The following MARCHF2 variants were observed in gnomAD, a reference collection of about 807,000 sequenced individuals.
MARCHF2 encodes membrane associated ring-CH-type finger 2, also known as E3 ubiquitin-protein ligase MARCHF2.
MARCHF2 carries 22 observed loss-of-function variants against 24.0 expected under a neutral mutation model. That is an observed-to-expected ratio of 0.92 (90% CI 0.66 to 1.31). The LOEUF is 1.31. Ranked by LOEUF, MARCHF2 falls within the 50% of genes most tolerant of loss-of-function variation. The pLI, the probability that MARCHF2 is intolerant of heterozygous loss-of-function variation, is 0.00. For missense variants in MARCHF2, 301 were observed against 335.3 expected, an observed-to-expected ratio of 0.90 and a Z score of 0.80; for synonymous variants, 154 against 153.0, an observed-to-expected ratio of 1.01 and a Z score of -0.05.
At chr19:8,424,295 C>G (rs1370243403) in intron 2 of MARCHF2, among the ~76,000 whole-genome samples, 1 of 152,114 alleles carries the variant, frequency 6.6e-6, no homozygotes, top group Non-Finnish European at 1.5e-5. Flanking sequence ...GCACTTCTCT[C>G]TGGATGCACA....
At chr19:8,420,160 A>AAAATAAATAAATAAAT (rs74176647) in intron 1 of MARCHF2, among the ~76,000 whole-genome samples, 1 of 130,516 alleles carries the variant, frequency 7.7e-6, no homozygotes. Flanking sequence ...TCCGTCTCAA[A>AAAATAAATAAATAAAT]AAATAAATAA....
intron 2 of MARCHF2, among the ~76,000 whole-genome samples, chr19:8,422,587 T>G (rs1967278237): frequency 6.6e-6 from 1 of 152,002 alleles, no homozygotes; most frequent in African/African-American, 2.4e-5. Context: ...GAGACGGGGT[T>G]TCGCCATGTT....
intron 1 of MARCHF2, among the ~76,000 whole-genome samples, chr19:8,421,382 CTTTTTTT>C (rs1254772289): frequency 9.0e-6 from 1 of 111,622 alleles, no homozygotes; most frequent in Non-Finnish European, 1.8e-5. Flanking sequence ...TCTTTCTTTT[CTTTTTTT>C]TTTTTTTTTT....
intron 3 of MARCHF2, among the ~76,000 whole-genome samples, chr19:8,429,384 A>G (rs1355514539): frequency 6.6e-6 from 1 of 151,470 alleles, no homozygotes; most frequent in Non-Finnish European, 1.5e-5. Context: ...TTGGGAAGCC[A>G]AGGTGGGAAG....
At chr19:8,429,479 CTTATTATTATTATTA>C (rs144546795) in intron 3 of MARCHF2, among the ~76,000 whole-genome samples, 124 of 142,318 alleles carry the variant, frequency 8.7e-4, no homozygotes, top group African/African-American at 1.7e-3. Flanking sequence ...AATGAAAGAA[CTTATTATTATTATTA>C]TTATTATTAT....
Position 8,430,837 on chromosome 19 carries a change from C to T in MARCHF2, c.552C>T (p.Ala184=). The part of the protein sequence containing the change: ...EAVGLIALTI[A]LFTIYVLWTL... Reference sequence around the variant, plus strand: ...TGGGTCTCATTGCCCTCACCATCGCCCTCTTCACCATCTATGTCCTCTGGA... The same window carrying T: ...TGGGTCTCATTGCCCTCACCATCGCTCTCTTCACCATCTATGTCCTCTGGA... Residue 184 remains alanine, a synonymous_variant, in exon 4 of 5, where the codon GCC becomes GCT. Coordinates refer to ENST00000215555, the MANE Select transcript of MARCHF2 (RefSeq NM_001005415.2). The surrounding 1 kb of genome is among the most constrained non-coding windows in gnomAD (Gnocchi z 4.4). 6.2e-7 allele frequency: 1 copy of T among 1,609,866 alleles called. No individual in the cohort carries two copies.
intron 4 of MARCHF2, among the ~76,000 whole-genome samples, chr19:8,432,354 C>G (rs1288253243): frequency 6.6e-6 from 1 of 151,762 alleles, no homozygotes; most frequent in Admixed American, 6.6e-5. Flanking sequence ...AAGCCAGATG[C>G]CCATCTCTAT....
At chr19:8,426,123 C>T (rs1382045636) in intron 2 of MARCHF2, among the ~76,000 whole-genome samples, 6 of 146,462 alleles carry the variant, frequency 4.1e-5, no homozygotes, top group Non-Finnish European at 7.4e-5. Flanking sequence ...TCCAGCTACT[C>T]GGGAGGCTGA....
intron 1 of MARCHF2, among the ~76,000 whole-genome samples, chr19:8,414,822 C>G (rs1967035807): frequency 6.6e-6 from 1 of 152,150 alleles, no homozygotes; most frequent in African/African-American, 2.4e-5. Flanking sequence ...GGAGACCCCT[C>G]CACGGACAGA....
At chr19:8,423,285 C>G (rs546121190) in intron 2 of MARCHF2, 1 of 151,524 alleles carries the variant, frequency 6.6e-6, no homozygotes, top group South Asian at 2.1e-4. Flanking sequence ...AGGCTGGTCT[C>G]CTGACCTCAG....
chr19:8,422,135 A>G (rs1967264944), intron 2 of MARCHF2, 119 bp downstream of exon 2: 1 of 1,052,258 alleles, frequency 9.5e-7, no homozygotes, highest in Non-Finnish European at 1.3e-6. Flanking sequence ...GTGGGTAAAT[A>G]GAGAAAGAGA....
intron 4 of MARCHF2, among the ~76,000 whole-genome samples, chr19:8,436,981 C>T (rs910925795): frequency 2.7e-5 from 4 of 147,596 alleles, no homozygotes; most frequent in Non-Finnish European, 6.0e-5. Flanking sequence ...TGAGCCACTG[C>T]GCCCAGCATT....
At chr19:8,415,998 C>G (rs1303017645) in intron 1 of MARCHF2, among the ~76,000 whole-genome samples, 6 of 151,976 alleles carry the variant, frequency 3.9e-5, no homozygotes, top group Non-Finnish European at 7.4e-5. Context: ...ATCGGAGGGT[C>G]AAGAGATGTG....
intron 1 of MARCHF2, chr19:8,418,919 G>C (rs1870179465): frequency 6.6e-6 from 1 of 152,030 alleles, no homozygotes; most frequent in Non-Finnish European, 1.5e-5. Flanking sequence ...TCTCTTGCTT[G>C]GACTTTCTGA....
At position 8,438,446 on chromosome 19, in the gene MARCHF2, T is replaced by C. The variant is rs1967790022; in HGVS notation, c.641T>C (p.Val214Ala). The change falls in exon 5 of 5, where the codon GTT becomes GCT. Residue 214 changes from valine (V) to alanine (A), a missense_variant. Physicochemically the swap from Val to Ala is moderately conservative, Grantham distance 64 (BLOSUM62 0). Coordinates refer to ENST00000215555, the MANE Select transcript of MARCHF2 (RefSeq NM_001005415.2). ...GAGTGGAGAAAGACCAACCAGAAAG[T>C]TCGCCTGAAGATCCGGGAGGCGGAC... ...YSEWRKTNQK[V>A]RLKIREADSP... 1.2e-6 allele frequency: 2 copies of C among 1,614,086 alleles called. No individual in the cohort carries two copies. Among genetic ancestry groups the C allele is most frequent in the Non-Finnish European group, 1.7e-6 (2 of 1,180,020 alleles).
At chr19:8,431,497 C>CA (rs60782968) in intron 4 of MARCHF2, among the ~76,000 whole-genome samples, 5,065 of 57,356 alleles carry the variant, frequency 0.088, 377 homozygotes, top group African/African-American at 0.2. Context: ...AACTCGATCT[C>CA]AAAAAAAAAA....
At chr19:8,425,438 A>G (rs1181906646) in intron 2 of MARCHF2, among the ~76,000 whole-genome samples, 2 of 151,268 alleles carry the variant, frequency 1.3e-5, no homozygotes, top group Non-Finnish European at 2.9e-5. Context: ...TAGAGATGAG[A>G]TCTCACTAGG....
At chr19:8,425,946 G>T (rs928262549) in intron 2 of MARCHF2, among the ~76,000 whole-genome samples, 6 of 151,774 alleles carry the variant, frequency 4.0e-5, no homozygotes, top group Admixed American at 3.9e-4. Flanking sequence ...GAGGATTGGG[G>T]GCCGGGTGCG....
At chr19:8,417,820 T>C (rs1967124689) in intron 1 of MARCHF2, among the ~76,000 whole-genome samples, 1 of 122,066 alleles carries the variant, frequency 8.2e-6, no homozygotes, top group Non-Finnish European at 1.6e-5. Context: ...TGGAGTGCAA[T>C]GGTGCGATCT....
Sources: gnomAD v4.1 joint callset for allele counts (sites outside exome capture counted in the v4.1 genomes callset) on GRCh38, gnomAD v4.1.1 for gene constraint, Gnocchi (gnomAD v3.1) non-coding constraint, MANE v1.5 for transcripts, NCBI Gene and HGNC (gene_info 2026-07-23, HGNC 2026-07-21) for gene names.